KCNQ5: variants seen among roughly 807,000 people sequenced by gnomAD.
KCNQ5 encodes the protein potassium voltage-gated channel subfamily KQT member 5.
Under a neutral mutation model 98.2 loss-of-function variants are expected in KCNQ5, and 30 were observed. The ratio of observed to expected loss-of-function variants is 0.31; its 90% CI spans 0.23 to 0.41. The LOEUF (loss-of-function observed/expected upper bound fraction) is 0.41, where lower values mean the gene tolerates loss of function less well. Among genes scored for constraint, KCNQ5 ranks in the 10% least tolerant of loss-of-function variants. KCNQ5 has a pLI of 1.00. For missense variants in KCNQ5, 835 were observed against 1,182.5 expected, an observed-to-expected ratio of 0.71 and a Z score of 4.31; for synonymous variants, 458 against 449.4, an observed-to-expected ratio of 1.02 and a Z score of -0.24.
chr6:72,969,502 T>C (rs1767771284), intron 1 of KCNQ5, among the ~76,000 whole-genome samples: 1 of 152,172 alleles, frequency 6.6e-6, no homozygotes, highest in Admixed American at 6.6e-5. Context: ...GGTAGAGTTT[T>C]CCAATTGTGT....
At chr6:72,841,663 C>T (rs533811013) in intron 1 of KCNQ5, among the ~76,000 whole-genome samples, 3 of 152,032 alleles carry the variant, frequency 2.0e-5, no homozygotes, top group Admixed American at 1.3e-4. Flanking sequence ...AATGTTATAC[C>T]GGATTATTCC....
chr6:73,117,369 CACCTTCCAT>C (rs1046975894), intron 7 of KCNQ5, among the ~76,000 whole-genome samples: 2 of 152,194 alleles, frequency 1.3e-5, no homozygotes, highest in African/African-American at 2.4e-5. Flanking sequence ...ATGCCACCTG[CACCTTCCAT>C]ACCTCTCATT....
rs73545833 is a variant in KCNQ5, at chr6:72,864,234, A to T, written c.399-139674A>T. ...CCAGCCATGCCTATATCCCATGAACACTACCTCCAATGCTACCTGACTCTC... is the reference window on the plus strand; with the variant it reads ...CCAGCCATGCCTATATCCCATGAACTCTACCTCCAATGCTACCTGACTCTC... On this transcript the variant is annotated intron_variant, in intron 1 of 13. Transcript: ENST00000370398. 4.8e-3 allele frequency among the ~76,000 whole-genome samples: 737 copies of T among 152,188 alleles called. 4 individuals are homozygous for T. Among genetic ancestry groups the T allele is most frequent in the African/African-American group, 0.017 (707 of 41,518 alleles).
In KCNQ5 at chr6:73,130,040, C is replaced by A. The variant is rs1189566949; in HGVS notation, c.1248-3381C>A. Among the ~76,000 whole-genome samples, 7 of 152,346 alleles carry A rather than the reference C, an allele frequency of 4.6e-5. No individual in the cohort carries two copies. In the East Asian group the frequency reaches 1.3e-3, roughly 29 times the overall value. On this transcript the variant is annotated intron_variant, in intron 9 of 13. Transcript: ENST00000370398. ...TGTTGCCTGCTTTGATACTCTCCAC[C>A]GCTGGGACAAATAGTCGGCGTCCCG... is the stretch of plus-strand genomic sequence containing the variant.
At chr6:73,000,964 G>A (rs952899100) in intron 1 of KCNQ5, among the ~76,000 whole-genome samples, 2 of 152,134 alleles carry the variant, frequency 1.3e-5, no homozygotes, top group African/African-American at 4.8e-5. Flanking sequence ...GTTTCATCCT[G>A]TTCTGCAAAC....
chr6:72,711,123 G>T (rs1769344916), intron 1 of KCNQ5, among the ~76,000 whole-genome samples: 1 of 152,104 alleles, frequency 6.6e-6, no homozygotes, highest in Non-Finnish European at 1.5e-5. Context: ...AAGGTAAAAT[G>T]AGGTTGTAAG....
chr6:72,674,827 C>T (rs1301787729), intron 1 of KCNQ5, among the ~76,000 whole-genome samples: 2 of 152,012 alleles, frequency 1.3e-5, no homozygotes, highest in Non-Finnish European at 2.9e-5. Flanking sequence ...GTAAGTGTGG[C>T]AAATTATCTT....
intron 1 of KCNQ5, among the ~76,000 whole-genome samples, chr6:72,686,224 C>T (rs903177227): frequency 6.6e-6 from 1 of 152,144 alleles, no homozygotes; most frequent in Admixed American, 6.6e-5. Flanking sequence ...AAAATTTTGG[C>T]AGATTTGCTA....
intron 9 of KCNQ5, chr6:73,129,945 T>C: frequency 1.1e-6 from 1 of 918,154 alleles, no homozygotes; most frequent in Non-Finnish European, 1.7e-6. Context: ...TGAGCCCTGT[T>C]CAGAGACTCA....
chr6:72,817,406 A>T (rs1000386856), intron 1 of KCNQ5, among the ~76,000 whole-genome samples: 3 of 152,220 alleles, frequency 2.0e-5, no homozygotes, highest in African/African-American at 7.2e-5. Flanking sequence ...GATTCTAAAA[A>T]TGTAAAACAA....
chr6:73,154,321 T>C (rs1777270086), intron 10 of KCNQ5, among the ~76,000 whole-genome samples: 1 of 152,138 alleles, frequency 6.6e-6, no homozygotes, highest in Non-Finnish European at 1.5e-5. Context: ...GGTCACATGA[T>C]TGAGATTTTA....
intron 1 of KCNQ5, chr6:72,987,197 G>C (rs770692719): frequency 1.5e-6 from 1 of 687,442 alleles, no homozygotes; most frequent in Non-Finnish European, 2.7e-6. Context: ...TCATTGAGGA[G>C]CCGGCTCTGA....
Position 72,623,678 on chromosome 6 carries a change from G to C in KCNQ5, c.398+1091G>C, listed in dbSNP as rs533094875. Among the ~76,000 whole-genome samples, 99 of 150,828 alleles carry C rather than the reference G, an allele frequency of 6.6e-4. 1 individual carries two copies. The highest frequency in any genetic ancestry group is 2.3e-3 in the African/African-American group (96 of 40,970). On this transcript the variant is annotated intron_variant, in intron 1 of 13. Coordinates refer to ENST00000370398, the MANE Select transcript of KCNQ5 (RefSeq NM_019842.4). ...TCTCCTTTTGCTTCCTCTTTTTTTA[G>C]TATTATTATTTCTGCTTCTTTTTTG...
intron 1 of KCNQ5, among the ~76,000 whole-genome samples, chr6:72,824,928 C>A (rs1775924911): frequency 1.3e-5 from 2 of 151,996 alleles, no homozygotes; most frequent in African/African-American, 4.8e-5. Flanking sequence ...TCATTGTTTT[C>A]AAAGCACCTT....
chr6:72,649,260 T>C (rs547591079), intron 1 of KCNQ5, among the ~76,000 whole-genome samples: 10 of 152,274 alleles, frequency 6.6e-5, no homozygotes, highest in African/African-American at 2.4e-4. Context: ...TCAGAATCTC[T>C]ACGTATTTTA....
chr6:72,939,834 A>G (rs756574682), intron 1 of KCNQ5, among the ~76,000 whole-genome samples: 3 of 152,180 alleles, frequency 2.0e-5, no homozygotes, highest in Non-Finnish European at 4.4e-5. Flanking sequence ...TTCCCTTAGC[A>G]GAGAGTAGGC....
intron 2 of KCNQ5, among the ~76,000 whole-genome samples, chr6:73,007,141 A>C (rs901632112): frequency 1.3e-5 from 2 of 152,264 alleles, no homozygotes; most frequent in African/African-American, 2.4e-5. Context: ...CGCTCTTGTA[A>C]ACTTGTAACT....
chr6:72,869,492 T>C (rs1033851275), intron 1 of KCNQ5, among the ~76,000 whole-genome samples: 12 of 152,246 alleles, frequency 7.9e-5, no homozygotes, highest in African/African-American at 2.2e-4. Flanking sequence ...TTTTGAACTT[T>C]AGTTTTTCCA....
intron 3 of KCNQ5, among the ~76,000 whole-genome samples, chr6:73,042,646 A>AT (rs1360768886): frequency 1.3e-5 from 2 of 152,090 alleles, no homozygotes; most frequent in African/African-American, 2.4e-5. Context: ...TGAAATATGA[A>AT]TCCCCCACCC....
Sources: allele counts gnomAD v4.1 joint callset (sites outside exome capture counted in the v4.1 genomes callset), GRCh38; gene constraint gnomAD v4.1.1; transcripts MANE v1.5; gene names NCBI Gene and HGNC (gene_info 2026-07-23, HGNC 2026-07-21).